HAPLN1: variants seen among roughly 807,000 people sequenced by gnomAD.
HAPLN1 encodes the protein Cartilage link protein.
In HAPLN1, 13 loss-of-function variants were observed where a neutral mutation model predicts 36.5. The observed-to-expected ratio is 0.36, with a 90% confidence interval of 0.23 to 0.57. HAPLN1 has a LOEUF of 0.57. Among genes scored for constraint, HAPLN1 ranks in the 20% least tolerant of loss-of-function variants. HAPLN1 has a pLI of 0.83. For synonymous variants in HAPLN1, 202 were observed against 169.8 expected, an observed-to-expected ratio of 1.19 and a Z score of -1.48; for missense variants, 407 against 439.7, an observed-to-expected ratio of 0.93 and a Z score of 0.66.
At chr5:83,682,013 T>C (rs528655349) in intron 1 of HAPLN1, among the ~76,000 whole-genome samples, 1 of 152,274 alleles carries the variant, frequency 6.6e-6, no homozygotes, top group African/African-American at 2.4e-5. Flanking sequence ...GGGTAGGAAA[T>C]CGATCATTAC....
At chr5:83,701,303 C>A (rs531102911) in intron 1 of HAPLN1, among the ~76,000 whole-genome samples, 4 of 152,148 alleles carry the variant, frequency 2.6e-5, no homozygotes, top group African/African-American at 4.8e-5. Flanking sequence ...AAAACTGGAC[C>A]AAGTGGGTGG....
At chr5:83,676,324 G>A (rs1480427734) in intron 1 of HAPLN1, among the ~76,000 whole-genome samples, 7 of 152,004 alleles carry the variant, frequency 4.6e-5, no homozygotes, top group African/African-American at 1.7e-4. Context: ...TGTGATTAGA[G>A]GCCTCTATCA....
At chr5:83,695,835 T>C (rs1407895675) in intron 1 of HAPLN1, among the ~76,000 whole-genome samples, 1 of 151,856 alleles carries the variant, frequency 6.6e-6, no homozygotes, top group Non-Finnish European at 1.5e-5. Flanking sequence ...GGTAAAAGAC[T>C]AAATTATTTA....
At chr5:83,664,141 G>T (rs898080774) in intron 2 of HAPLN1, among the ~76,000 whole-genome samples, 5 of 152,020 alleles carry the variant, frequency 3.3e-5, no homozygotes, top group Admixed American at 3.3e-4. Context: ...GCAGTCTCTT[G>T]GGCTTCTTTC....
At chr5:83,685,119 T>C (rs1751089201) in intron 1 of HAPLN1, among the ~76,000 whole-genome samples, 2 of 152,208 alleles carry the variant, frequency 1.3e-5, no homozygotes, top group African/African-American at 4.8e-5. Context: ...TTTTCATAAT[T>C]GGTTATATCA....
chr5:83,687,178 T>G (rs1194638091), intron 1 of HAPLN1, among the ~76,000 whole-genome samples: 7 of 152,160 alleles, frequency 4.6e-5, no homozygotes, highest in Non-Finnish European at 7.4e-5. Context: ...ATTTCAGTGC[T>G]GGTGTAGTCA....
Position 83,639,376 on chromosome 5 carries a change from A to T in HAPLN1, c.*2120T>A, listed in dbSNP as rs965056759. ...GATTTTGATCAGCACCAATTCCTAT[A>T]GTAGTAAGTATTTAAAAGTTAAGAA... On this transcript the variant is annotated 3_prime_UTR_variant, in exon 5 of 5. Transcript: ENST00000274341. The T allele has an allele frequency of 6.6e-6, 1 of 152,102 alleles. No homozygotes were observed. The highest frequency in any genetic ancestry group is 1.5e-5 in the Non-Finnish European group (1 of 67,920). 9.4% of individuals were successfully genotyped at this position (152,102 alleles called of 1,614,324 possible). A position where few individuals can be genotyped will look rare whatever the true frequency, so the allele number is the denominator to read the frequency against.
In HAPLN1 at chr5:83,640,060, C is replaced by T. The variant is rs1005601744; in HGVS notation, c.*1436G>A. On this transcript the variant is annotated 3_prime_UTR_variant, in exon 5 of 5. Transcript: ENST00000274341. ...CATAAAAACATTCATGAAAGCATAC[C>T]GGCTATGTCATACTTGGATTATTAT... The T allele has an allele frequency of 2.0e-5, 3 of 152,018 alleles. No individual in the cohort carries two copies. Among genetic ancestry groups the T allele is most frequent in the African/African-American group, 4.8e-5 (2 of 41,404 alleles). The allele number at this position is 152,018 out of a possible 1,614,324, so 9.4% of individuals were successfully genotyped here.
chr5:83,699,530 A>C (rs772752842), intron 1 of HAPLN1, among the ~76,000 whole-genome samples: 1 of 152,338 alleles, frequency 6.6e-6, no homozygotes, highest in East Asian at 1.9e-4. Context: ...GTTAAGATCT[A>C]AACTCCACAG....
intron 1 of HAPLN1, among the ~76,000 whole-genome samples, 174 bp downstream of exon 1, chr5:83,720,615 T>C (rs1410221471): frequency 6.6e-6 from 1 of 152,206 alleles, no homozygotes; most frequent in Non-Finnish European, 1.5e-5. Flanking sequence ...TATCCGACAA[T>C]ATGAAACTTT....
At chr5:83,695,926 G>T (rs1480249622) in intron 1 of HAPLN1, among the ~76,000 whole-genome samples, 1 of 151,750 alleles carries the variant, frequency 6.6e-6, no homozygotes, top group Non-Finnish European at 1.5e-5. Flanking sequence ...CCAGAGAGTG[G>T]AATTAAGGCA....
chr5:83,705,263 A>C (rs1192466111), intron 1 of HAPLN1, among the ~76,000 whole-genome samples: 14 of 151,670 alleles, frequency 9.2e-5, no homozygotes. Context: ...GGTGGCATGC[A>C]CCTGTAATCC....
intron 2 of HAPLN1, among the ~76,000 whole-genome samples, chr5:83,668,619 G>A (rs1239417837): frequency 6.6e-6 from 1 of 152,234 alleles, no homozygotes; most frequent in African/African-American, 2.4e-5. Context: ...TGCCAGCGAT[G>A]TCACAGCATT....
intron 1 of HAPLN1, among the ~76,000 whole-genome samples, chr5:83,701,880 C>T (rs940286203): frequency 6.6e-6 from 1 of 151,940 alleles, no homozygotes; most frequent in Admixed American, 6.6e-5. Flanking sequence ...GAGCCGAGAT[C>T]GCTCCACTGC....
intron 3 of HAPLN1, among the ~76,000 whole-genome samples, chr5:83,651,591 A>AACAGATATTTTTCCCAAAGCCG (rs1750064806): frequency 6.6e-6 from 1 of 152,262 alleles, no homozygotes; most frequent in Non-Finnish European, 1.5e-5. Context: ...AAATAGTGAC[A>AACAGATATTTTTCCCAAAGCCG]CAAATCTGTC....
chr5:83,672,830 C>A (rs1289322356), intron 2 of HAPLN1, among the ~76,000 whole-genome samples: 1 of 152,160 alleles, frequency 6.6e-6, no homozygotes, highest in Non-Finnish European at 1.5e-5. Context: ...TCATCTGAAG[C>A]TGGGACTGAG....
At chr5:83,651,092 TAGAC>T (rs1404304704) in intron 3 of HAPLN1, among the ~76,000 whole-genome samples, 9 of 152,326 alleles carry the variant, frequency 5.9e-5, no homozygotes, top group South Asian at 4.1e-4. Flanking sequence ...AAAATAAACA[TAGAC>T]AGTAAATATT....
rs986519445 is a variant in HAPLN1 at position 83,698,900 on chromosome 5, G to A, written c.-27+21889C>T. Among the ~76,000 whole-genome samples the A allele has an allele frequency of 5.9e-5, 9 of 152,042 alleles. No homozygotes were observed. In the South Asian group the frequency reaches 1.0e-3, roughly 18 times the overall value. ...ATAGAAGGTTTCTCCAAAATTTTTCGAATACGGTATCGTATACATGATACT... is the reference window on the plus strand; with the variant it reads ...ATAGAAGGTTTCTCCAAAATTTTTCAAATACGGTATCGTATACATGATACT... On this transcript the variant is annotated intron_variant, in intron 1 of 4. Coordinates refer to ENST00000274341, the MANE Select transcript of HAPLN1 (RefSeq NM_001884.4).
Position 83,690,474 on chromosome 5 carries a change from A to G in HAPLN1, c.-26-16925T>C, listed in dbSNP as rs936124516. The stretch of plus-strand genomic sequence containing the variant: ...GAAACATCTGTAAATGGGAACTAAA[A>G]GGTTTTATGAACAATTCTTTGAGAA... On this transcript the variant is annotated intron_variant, in intron 1 of 4. Transcript: ENST00000274341. Among the ~76,000 whole-genome samples the G allele has an allele frequency of 3.3e-5, 5 of 152,066 alleles. No individual in the cohort carries two copies. In the South Asian group the frequency reaches 1.0e-3, roughly 31 times the overall value.
Sources: gnomAD v4.1 joint callset for allele counts (sites outside exome capture counted in the v4.1 genomes callset) on GRCh38, gnomAD v4.1.1 for gene constraint, MANE v1.5 for transcripts, NCBI Gene and HGNC (gene_info 2026-07-23, HGNC 2026-07-21) for gene names.